NRG1: variants seen among roughly 807,000 people sequenced by gnomAD.
NRG1 encodes neuregulin 1, also known as pro-neuregulin-1, membrane-bound isoform.
Under a neutral mutation model 63.8 loss-of-function variants are expected in NRG1, and 18 were observed. The ratio of observed to expected loss-of-function variants is 0.28; its 90% CI spans 0.19 to 0.42. The LOEUF (loss-of-function observed/expected upper bound fraction) is 0.42, where lower values mean the gene tolerates loss of function less well. Ranked by LOEUF, NRG1 falls within the 10% of genes least tolerant of loss-of-function variation. NRG1 has a pLI of 1.00. For synonymous variants in NRG1, 302 were observed against 301.3 expected, an observed-to-expected ratio of 1.00 and a Z score of -0.02; for missense variants, 762 against 814.7, an observed-to-expected ratio of 0.94 and a Z score of 0.79.
At chr8:31,730,908 A>C (rs1475606517) in intron 1 of NRG1, among the ~76,000 whole-genome samples, 1 of 152,186 alleles carries the variant, frequency 6.6e-6, no homozygotes, top group Non-Finnish European at 1.5e-5. Context: ...TGATTTTTAA[A>C]GAATGTCAAG....
chr8:31,786,274 AGATTT>A (rs1414772518), intron 1 of NRG1, among the ~76,000 whole-genome samples: 2 of 152,188 alleles, frequency 1.3e-5, no homozygotes. Flanking sequence ...TGATGAAGGG[AGATTT>A]GGTATTTTGT....
intron 5 of NRG1, among the ~76,000 whole-genome samples, chr8:32,668,927 G>A (rs899496838): frequency 1.3e-5 from 2 of 152,104 alleles, no homozygotes; most frequent in Admixed American, 1.3e-4. Context: ...TTTTGGTTGT[G>A]TCGAATAGAA....
At chr8:32,088,591 C>T (rs550876747) in intron 1 of NRG1, among the ~76,000 whole-genome samples, 3 of 150,328 alleles carry the variant, frequency 2.0e-5, no homozygotes, top group African/African-American at 7.4e-5. Context: ...GATCTGGGCT[C>T]ATTGCAACCT....
At chr8:31,919,461 A>C (rs1833713737) in intron 1 of NRG1, among the ~76,000 whole-genome samples, 1 of 151,656 alleles carries the variant, frequency 6.6e-6, no homozygotes, top group Non-Finnish European at 1.5e-5. Flanking sequence ...CTTTAGTATG[A>C]GATTGTATAT....
chr8:32,644,745 T>C (rs865793470), intron 5 of NRG1, among the ~76,000 whole-genome samples: 14 of 152,114 alleles, frequency 9.2e-5, no homozygotes, highest in African/African-American at 3.1e-4. Context: ...AAAATGTTGG[T>C]TTTCTCTGTA....
chr8:32,031,854 C>A (rs752141652), intron 1 of NRG1, among the ~76,000 whole-genome samples: 3 of 152,086 alleles, frequency 2.0e-5, no homozygotes, highest in Non-Finnish European at 4.4e-5. Context: ...CTTTATCCAG[C>A]CTATCATTGA....
At chr8:31,648,297 C>A (rs1363300560) in intron 1 of NRG1, among the ~76,000 whole-genome samples, 1 of 151,870 alleles carries the variant, frequency 6.6e-6, no homozygotes, top group East Asian at 1.9e-4. Flanking sequence ...CCATGCCCGG[C>A]TAATTTTTGT....
At chr8:31,844,692 A>G (rs185084210) in intron 1 of NRG1, among the ~76,000 whole-genome samples, 41 of 152,312 alleles carry the variant, frequency 2.7e-4, no homozygotes, top group South Asian at 1.0e-3. Context: ...AAGGTAGATA[A>G]TAAAACCTAC....
chr8:32,571,450 C>T (rs4733362), intron 1 of NRG1, among the ~76,000 whole-genome samples: 88,070 of 152,038 alleles, frequency 0.58, 26,168 homozygotes, highest in East Asian at 0.85. Flanking sequence ...GAGGTGTTGA[C>T]GTTCAGGTTT....
intron 4 of NRG1, 139 bp downstream of exon 4, chr8:32,614,703 C>A: frequency 1.3e-6 from 1 of 769,310 alleles, no homozygotes; most frequent in Non-Finnish European, 2.1e-6. Context: ...TTTTTCTCAA[C>A]CTTGTTCTGT....
intron 1 of NRG1, among the ~76,000 whole-genome samples, chr8:32,457,029 G>T (rs1428471458): frequency 6.6e-6 from 1 of 152,098 alleles, no homozygotes; most frequent in East Asian, 1.9e-4. Flanking sequence ...CTACTCAAGA[G>T]GTTGAGGCAG....
At chr8:32,260,311 T>C (rs1157756934) in intron 1 of NRG1, among the ~76,000 whole-genome samples, 1 of 152,172 alleles carries the variant, frequency 6.6e-6, no homozygotes, top group Admixed American at 6.6e-5. Context: ...CTAGATAATT[T>C]TGAAGTCTTA....
At chr8:32,349,019 A>T (rs73586271) in intron 1 of NRG1, among the ~76,000 whole-genome samples, 14,535 of 152,258 alleles carry the variant, frequency 0.095, 955 homozygotes, top group African/African-American at 0.18. Context: ...TTATGAGTAA[A>T]TGAAGAAAAC....
intron 1 of NRG1, among the ~76,000 whole-genome samples, chr8:31,853,045 G>C (rs868164924): frequency 1.3e-5 from 2 of 152,066 alleles, no homozygotes; most frequent in South Asian, 4.2e-4. Flanking sequence ...CAGGTAGTGT[G>C]ATGCCTCCAG....
chr8:32,230,297 G>A (rs778225313), intron 1 of NRG1, among the ~76,000 whole-genome samples: 1 of 152,210 alleles, frequency 6.6e-6, no homozygotes, highest in Non-Finnish European at 1.5e-5. Context: ...TAAAGTTGCA[G>A]AGAGGGAAAT....
chr8:32,190,496 T>C (rs139459861), intron 1 of NRG1, among the ~76,000 whole-genome samples: 271 of 152,326 alleles, frequency 1.8e-3, no homozygotes, highest in African/African-American at 6.2e-3. Flanking sequence ...CTGTGCAAAG[T>C]TGTGAGCAAT....
At chr8:31,967,769 C>T (rs972120056) in intron 1 of NRG1, among the ~76,000 whole-genome samples, 21 of 152,178 alleles carry the variant, frequency 1.4e-4, no homozygotes, top group Non-Finnish European at 7.3e-5. Context: ...AATTGATACT[C>T]CAGGCAGAGC....
At chr8:31,995,089 C>T (rs1811744930) in intron 1 of NRG1, among the ~76,000 whole-genome samples, 1 of 151,830 alleles carries the variant, frequency 6.6e-6, no homozygotes, top group Non-Finnish European at 1.5e-5. Flanking sequence ...ATCAGAGAGC[C>T]ATGTAAGGGG....
chr8:31,686,745 G>T (rs1272629265), intron 1 of NRG1, among the ~76,000 whole-genome samples: 2 of 151,852 alleles, frequency 1.3e-5, no homozygotes, highest in East Asian at 1.9e-4. Flanking sequence ...AAGGTCTTCA[G>T]GATGGTCTTT....
Sources: allele counts gnomAD v4.1 joint callset (sites outside exome capture counted in the v4.1 genomes callset), GRCh38; gene constraint gnomAD v4.1.1; transcripts MANE v1.5; gene names NCBI Gene and HGNC (gene_info 2026-07-23, HGNC 2026-07-21).